The following TBC1D14 variants were observed in gnomAD, a reference collection of about 807,000 sequenced individuals.
TBC1D14 encodes the protein TBC1 domain family, member 14.
TBC1D14 carries 26 observed loss-of-function variants against 79.0 expected under a neutral mutation model. The ratio of observed to expected loss-of-function variants is 0.33; its 90% confidence interval spans 0.24 to 0.46. TBC1D14 has a LOEUF of 0.46. Ranked by LOEUF, TBC1D14 falls within the 20% of genes least tolerant of loss-of-function variation. TBC1D14 has a pLI of 1.00. For synonymous variants in TBC1D14, 394 were observed against 349.9 expected (o/e 1.13, Z -1.40); for missense variants, 769 against 887.6 (o/e 0.87, Z 1.70).
At position 6,924,128 on chromosome 4, in the gene TBC1D14, C is replaced by T; in HGVS notation, c.722+17C>T. ...CTTTGCAAGGTAATGCCATCTTTGC[C>T]CTCTAGAAGATCGTGGTGGTTGAGT... On this transcript the variant is annotated intron_variant, in intron 2 of 13. Transcript: ENST00000409757. The T allele has an allele frequency of 1.2e-6, 2 of 1,601,016 alleles. No individual in the cohort carries two copies. The highest frequency in any genetic ancestry group is 1.1e-5 in the South Asian group (1 of 89,688).
chr4:6,967,648 C>T (rs548185263), intron 3 of TBC1D14, among the ~76,000 whole-genome samples: 6 of 152,288 alleles, frequency 3.9e-5, no homozygotes, highest in South Asian at 2.1e-4. Flanking sequence ...TGACAGAGGT[C>T]GGCTTTAGAT....
At chr4:6,954,123 G>A (rs1043675947) in intron 2 of TBC1D14, 12 of 596,378 alleles carry the variant, frequency 2.0e-5, no homozygotes, top group Non-Finnish European at 3.0e-5. Context: ...TGCCGCCCCC[G>A]CCTTTCCGCC....
At chr4:7,021,070 G>A (rs571570874) in intron 12 of TBC1D14, among the ~76,000 whole-genome samples, 13 of 152,256 alleles carry the variant, frequency 8.5e-5, no homozygotes, top group Middle Eastern at 3.4e-3. Flanking sequence ...CCTCCTTCAC[G>A]ACAGCCCTGA....
Position 7,001,161 on chromosome 4 carries a change from G to T in TBC1D14, c.1180G>T (p.Val394Phe), listed in dbSNP as rs575344500. The T allele has an allele frequency of 6.2e-7, 1 of 1,614,118 alleles. No individual in the cohort carries two copies. The highest frequency in any genetic ancestry group is 1.1e-5 in the South Asian group (1 of 91,072). ...NWETMWCSRK[V>F]RDLWWQGIPP... ...TTTGTCCAGGTGGTGCTCTAGAAAA[G>T]TTCGAGATTTATGGTGGCAGGGAAT... Residue 394 changes from valine to phenylalanine, a missense_variant, in exon 7 of 14, where the codon GTT (valine) becomes TTT (phenylalanine). Around this residue, in one of 2 missense-constraint regions of TBC1D14, gnomAD observed 367 missense variants for 494.4 expected, o/e 0.74. Transcript: ENST00000409757.
chr4:6,958,224 C>A (rs142742423), intron 2 of TBC1D14, among the ~76,000 whole-genome samples: 1 of 152,004 alleles, frequency 6.6e-6, no homozygotes, highest in East Asian at 1.9e-4. Flanking sequence ...CAGTTAGAGC[C>A]GGAGTCTGCA....
intron 3 of TBC1D14, among the ~76,000 whole-genome samples, chr4:6,990,002 T>G (rs1718324269): frequency 1.3e-5 from 2 of 152,260 alleles, no homozygotes; most frequent in Admixed American, 6.5e-5. Flanking sequence ...AGTTAGACAC[T>G]TTAAATTGAG....
At chr4:6,946,094 C>T (rs1405358812) in intron 2 of TBC1D14, among the ~76,000 whole-genome samples, 1 of 152,118 alleles carries the variant, frequency 6.6e-6, no homozygotes, top group East Asian at 1.9e-4. Context: ...AGGCAAGGTT[C>T]TGTCTCTGAA....
intron 2 of TBC1D14, among the ~76,000 whole-genome samples, chr4:6,946,582 A>C (rs535525017): frequency 6.6e-6 from 1 of 152,124 alleles, no homozygotes; most frequent in Non-Finnish European, 1.5e-5. Context: ...CGGCCTTCCA[A>C]AGTGCTGGGA....
chr4:7,027,000 C>T (rs1168863059), intron 13 of TBC1D14, among the ~76,000 whole-genome samples: 1 of 152,130 alleles, frequency 6.6e-6, no homozygotes, highest in Non-Finnish European at 1.5e-5. Context: ...ATCACGAGGT[C>T]AGGAGTTCAA....
intron 3 of TBC1D14, among the ~76,000 whole-genome samples, chr4:6,989,138 A>G (rs944479891): frequency 1.3e-5 from 2 of 151,942 alleles, no homozygotes; most frequent in African/African-American, 4.8e-5. Context: ...TTTTTAAACC[A>G]ACAAACGTTA....
chr4:6,931,921 G>A (rs1232701972), intron 2 of TBC1D14, among the ~76,000 whole-genome samples: 1 of 151,976 alleles, frequency 6.6e-6, no homozygotes, highest in Non-Finnish European at 1.5e-5. Flanking sequence ...TGAGTAGATG[G>A]AGGATATGTG....
chr4:6,937,628 A>T (rs1712467362), intron 2 of TBC1D14, among the ~76,000 whole-genome samples: 1 of 152,236 alleles, frequency 6.6e-6, no homozygotes, highest in Non-Finnish European at 1.5e-5. Flanking sequence ...ATCAGGGACC[A>T]GTCAGCGTGC....
At position 7,004,903 on chromosome 4, in the gene TBC1D14, G is replaced by GT; in HGVS notation, c.1330_1331insT (p.Gly444ValfsTer3). ...GAGGTGGCGGTCCCTTAGCACAGGA[G>GT]GCTCTGAAGTGGAGAACGAAGGTAG... is the stretch of plus-strand genomic sequence containing the variant. On this transcript the variant is annotated frameshift_variant, in exon 8 of 14. Coordinates refer to ENST00000409757, the MANE Select transcript of TBC1D14 (RefSeq NM_020773.3). LOFTEE classifies it high-confidence loss of function. The GT allele has an allele frequency of 6.2e-7, 1 of 1,614,150 alleles. No homozygotes were observed. The highest frequency in any genetic ancestry group is 8.5e-7 in the Non-Finnish European group (1 of 1,180,020).
intron 1 of TBC1D14, among the ~76,000 whole-genome samples, chr4:6,916,129 G>GAA (rs5855936): frequency 2.8e-3 from 387 of 139,398 alleles, no homozygotes; most frequent in African/African-American, 4.4e-3. Context: ...TCCATCTCAG[G>GAA]AAAAAAAAAA....
At chr4:6,925,546 G>C (rs1406691964) in intron 2 of TBC1D14, among the ~76,000 whole-genome samples, 1 of 152,192 alleles carries the variant, frequency 6.6e-6, no homozygotes, top group Non-Finnish European at 1.5e-5. Context: ...TCTCGGACCA[G>C]CCTAAGGCCA....
intron 12 of TBC1D14, among the ~76,000 whole-genome samples, chr4:7,021,069 C>T (rs1239362215): frequency 6.6e-6 from 1 of 152,186 alleles, no homozygotes; most frequent in Non-Finnish European, 1.5e-5. Flanking sequence ...TCCTCCTTCA[C>T]GACAGCCCTG....
intron 2 of TBC1D14, among the ~76,000 whole-genome samples, chr4:6,948,306 C>T (rs923524132): frequency 6.6e-6 from 1 of 152,224 alleles, no homozygotes; most frequent in Admixed American, 6.5e-5. Flanking sequence ...TCTGTCACCA[C>T]ACATGAGCTC....
Position 7,014,948 on chromosome 4 carries a change from C to T in TBC1D14, c.1757+391C>T, listed in dbSNP as rs114099186. On this transcript the variant is annotated intron_variant, in intron 12 of 13. Coordinates refer to ENST00000409757, the MANE Select transcript of TBC1D14 (RefSeq NM_020773.3). ...GACACTGTCCACGTGAGATGAGTGCCGTCTTGGAAGGCAGGAGGTCCTGGA... is the reference window on the plus strand; with the variant it reads ...GACACTGTCCACGTGAGATGAGTGCTGTCTTGGAAGGCAGGAGGTCCTGGA... Among the ~76,000 whole-genome samples the T allele has an allele frequency of 1.7e-3, 255 of 152,292 alleles. 2 individuals carry two copies. Among genetic ancestry groups the T allele is most frequent in the East Asian group, 8.7e-3 (45 of 5,184 alleles).
intron 13 of TBC1D14, among the ~76,000 whole-genome samples, chr4:7,026,519 G>A (rs1722388176): frequency 2.6e-5 from 4 of 152,218 alleles, no homozygotes; most frequent in Non-Finnish European, 5.9e-5. Flanking sequence ...TTGGTTGAAA[G>A]CTCTGTTAAG....
Sources: allele counts gnomAD v4.1 joint callset (sites outside exome capture counted in the v4.1 genomes callset), GRCh38; gene constraint gnomAD v4.1.1; regional missense constraint gnomAD v4.1.1; transcripts MANE v1.5; gene names NCBI Gene and HGNC (gene_info 2026-07-23, HGNC 2026-07-21).